The following SCG3 variants were observed in gnomAD, a reference collection of about 807,000 sequenced individuals.
SCG3 encodes secretogranin-3.
Under a neutral mutation model 56.2 loss-of-function variants are expected in SCG3, and 38 were observed. The observed-to-expected ratio is 0.68, with a 90% CI of 0.52 to 0.89. The LOEUF (loss-of-function observed/expected upper bound fraction) is 0.89. Among genes scored for constraint, SCG3 ranks in the 40% least tolerant of loss-of-function variants. SCG3 has a pLI of 0.00. For missense variants in SCG3, 524 were observed against 540.7 expected, an observed-to-expected ratio of 0.97 and a Z score of 0.31; for synonymous variants, 176 against 184.2, an observed-to-expected ratio of 0.96 and a Z score of 0.36.
At chr15:51,701,565 AT>A (rs1253326364) in intron 10 of SCG3, among the ~76,000 whole-genome samples, 1 of 152,152 alleles carries the variant, frequency 6.6e-6, no homozygotes, top group African/African-American at 2.4e-5. Context: ...ATTGAGCAAT[AT>A]TTTTTAAACT....
At chr15:51,710,780 GA>G (rs1389314116) in intron 10 of SCG3, among the ~76,000 whole-genome samples, 1 of 97,658 alleles carries the variant, frequency 1.0e-5, no homozygotes, top group African/African-American at 3.7e-5. Flanking sequence ...TTTTTTGGTA[GA>G]CATGGGGTTT....
At chr15:51,689,091 T>A in intron 5 of SCG3, 128 bp from the exon 6 acceptor site, 2 of 990,620 alleles carry the variant, frequency 2.0e-6, no homozygotes, top group South Asian at 3.1e-5. Context: ...AAGTGAGGGC[T>A]GTCTGAAAGA....
At chr15:51,701,933 C>G (rs147664750) in intron 10 of SCG3, among the ~76,000 whole-genome samples, 1 of 151,086 alleles carries the variant, frequency 6.6e-6, no homozygotes, top group African/African-American at 2.4e-5. Flanking sequence ...CGGGGCCTGT[C>G]GTGGGGTCGG....
intron 7 of SCG3, among the ~76,000 whole-genome samples, chr15:51,694,230 G>A (rs994999353): frequency 6.6e-6 from 1 of 152,082 alleles, no homozygotes; most frequent in Non-Finnish European, 1.5e-5. Flanking sequence ...AATAAAGCAG[G>A]TAGGAAACCA....
intron 4 of SCG3, among the ~76,000 whole-genome samples, chr15:51,683,679 G>C (rs2055210468): frequency 6.6e-6 from 1 of 151,774 alleles, no homozygotes; most frequent in Non-Finnish European, 1.5e-5. Flanking sequence ...TCTAGTATTT[G>C]TATTTTATGG....
rs147938991 is a variant in SCG3, at chr15:51,692,166, T to C, written c.698T>C (p.Met233Thr). The change falls in exon 7 of 12, where the codon ATG (methionine) becomes ACG (threonine). Residue 233 changes from methionine (M) to threonine (T), a missense_variant. Met to Thr is a moderately conservative substitution (Grantham distance 81, BLOSUM62 -1). Coordinates refer to ENST00000220478, the MANE Select transcript of SCG3 (RefSeq NM_013243.4). ...AGKIPEKVTP[M>T]AAIQDGLAKG... ...GATTTTTCCCCACTGGAGACTCCAATGGCAGCAATTCAAGATGGTCTTGCT... is the reference window on the plus strand; with the variant it reads ...GATTTTTCCCCACTGGAGACTCCAACGGCAGCAATTCAAGATGGTCTTGCT... 1.2e-6 allele frequency: 2 copies of C among 1,607,346 alleles called. No individual in the cohort carries two copies. The highest frequency in any genetic ancestry group is 1.7e-6 in the Non-Finnish European group (2 of 1,177,218).
chr15:51,683,457 T>C, intron 4 of SCG3, 23 bp downstream of exon 4: 1 of 1,494,974 alleles, frequency 6.7e-7, no homozygotes, highest in Non-Finnish European at 9.1e-7. Flanking sequence ...AAAAGAACTT[T>C]TTGTTAACGT....
chr15:51,692,063 C>T, intron 6 of SCG3, 96 bp from the exon 7 acceptor site: 5 of 1,195,358 alleles, frequency 4.2e-6, no homozygotes, highest in Non-Finnish European at 5.9e-6. Flanking sequence ...AATTCTTGCA[C>T]TTCACATTTA....
intron 10 of SCG3, among the ~76,000 whole-genome samples, chr15:51,709,724 T>A (rs1226423089): frequency 3.0e-5 from 2 of 67,502 alleles, no homozygotes; most frequent in South Asian, 6.2e-4. Context: ...TTTTTTTTTT[T>A]TTTTTTTTTT....
At position 51,720,508 on chromosome 15, in the gene SCG3, C is replaced by G. The variant is rs1293526568; in HGVS notation, c.*982C>G. Reference sequence around the variant, plus strand: ...TCTTGAAATGTTAATGGTTAATGTTCCCAAACCAGAGAATGCTTTGAAAAT... The same window carrying G: ...TCTTGAAATGTTAATGGTTAATGTTGCCAAACCAGAGAATGCTTTGAAAAT... On this transcript the variant is annotated 3_prime_UTR_variant, in exon 12 of 12. Transcript: ENST00000220478. The G allele has an allele frequency of 1.3e-5, 2 of 152,214 alleles. No individual in the cohort carries two copies. Among genetic ancestry groups the G allele is most frequent in the African/African-American group, 4.8e-5 (2 of 41,438 alleles). The allele number at this position is 152,214 out of a possible 1,614,324, so 9.4% of individuals were successfully genotyped here.
chr15:51,699,430 C>A, intron 9 of SCG3, 28 bp downstream of exon 9: 1 of 1,407,838 alleles, frequency 7.1e-7, no homozygotes, highest in Non-Finnish European at 9.9e-7. Context: ...TTTTTTTAGC[C>A]TTTAGAATAA....
At chr15:51,713,599 T>A (rs2055434918) in intron 11 of SCG3, among the ~76,000 whole-genome samples, 186 bp downstream of exon 11, 1 of 152,204 alleles carries the variant, frequency 6.6e-6, no homozygotes. Context: ...CAAATTAGCC[T>A]TTCAAGCAAA....
intron 5 of SCG3, among the ~76,000 whole-genome samples, chr15:51,688,812 C>T (rs2055247272): frequency 6.6e-6 from 1 of 152,152 alleles, no homozygotes; most frequent in Non-Finnish European, 1.5e-5. Context: ...TTTGAAACTC[C>T]AGGTGATCTA....
intron 10 of SCG3, among the ~76,000 whole-genome samples, chr15:51,702,336 A>C (rs577474898): frequency 5.3e-4 from 80 of 152,236 alleles, no homozygotes; most frequent in African/African-American, 1.9e-3. Flanking sequence ...AGCTCACTGC[A>C]ACCTCCACCT....
intron 9 of SCG3, 82 bp downstream of exon 9, chr15:51,699,484 T>A: frequency 1.1e-6 from 1 of 939,110 alleles, no homozygotes. Flanking sequence ...TAAACATTAA[T>A]TTAAAAATTA....
At chr15:51,700,735 A>G (rs2055334112) in intron 9 of SCG3, among the ~76,000 whole-genome samples, 1 of 152,104 alleles carries the variant, frequency 6.6e-6, no homozygotes, top group Non-Finnish European at 1.5e-5. Context: ...TCAGAACATG[A>G]CATATCCTGG....
At chr15:51,682,812 A>G (rs573564575) in intron 2 of SCG3, among the ~76,000 whole-genome samples, 1 of 152,330 alleles carries the variant, frequency 6.6e-6, no homozygotes, top group East Asian at 1.9e-4. Context: ...TAAGCTCAGC[A>G]TCACATCCAC....
intron 10 of SCG3, among the ~76,000 whole-genome samples, chr15:51,711,443 G>GC (rs1358904356): frequency 1.3e-5 from 2 of 152,160 alleles, no homozygotes; most frequent in African/African-American, 4.8e-5. Context: ...AGTTGCAAAA[G>GC]CCCTAACTAC....
chr15:51,718,501 G>A (rs1048764252), intron 11 of SCG3, among the ~76,000 whole-genome samples: 1 of 152,128 alleles, frequency 6.6e-6, no homozygotes, highest in Non-Finnish European at 1.5e-5. Context: ...ATTCAGGCTC[G>A]CTAAGGGTGG....
Sources: allele counts gnomAD v4.1 joint callset (sites outside exome capture counted in the v4.1 genomes callset), GRCh38; gene constraint gnomAD v4.1.1; transcripts MANE v1.5; gene names NCBI Gene and HGNC (gene_info 2026-07-23, HGNC 2026-07-21).